The following ITGB8 variants were observed in gnomAD, a reference collection of about 807,000 sequenced individuals.
ITGB8 encodes the protein integrin beta-8.
ITGB8 carries 30 observed loss-of-function variants against 89.5 expected under a neutral mutation model. The ratio of observed to expected loss-of-function variants is 0.34; its 90% confidence interval spans 0.25 to 0.45. The LOEUF is 0.45. ITGB8 is among the 20% of genes least tolerant of loss of function. The pLI, the probability that ITGB8 is intolerant of heterozygous loss-of-function variation, is 1.00. For synonymous variants in ITGB8, 335 were observed against 320.4 expected (o/e 1.05, Z -0.49); for missense variants, 836 against 933.3 (o/e 0.90, Z 1.36).
In ITGB8 at chr7:20,414,659, G is replaced by T. The variant is rs1464432587; in HGVS notation, c.*4662G>T. On this transcript the variant is annotated 3_prime_UTR_variant, in exon 14 of 14. Coordinates refer to ENST00000222573, the MANE Select transcript of ITGB8 (RefSeq NM_002214.3). ...TTTTATTCTTCTTTATCATTTGTGG[G>T]TTTTTCCCCCTTGGCTCTGATCACT... is the stretch of plus-strand genomic sequence containing the variant. 1 of 152,382 alleles carries T rather than the reference G, an allele frequency of 6.6e-6. No individual in the cohort carries two copies. Among genetic ancestry groups the T allele is most frequent in the Admixed American group, 6.6e-5 (1 of 15,260 alleles). The allele number at this position is 152,382 out of a possible 1,614,324, so 9.4% of individuals were successfully genotyped here.
Position 20,410,675 on chromosome 7 carries a change from A to T in ITGB8, c.*678A>T, listed in dbSNP as rs1787730323. On this transcript the variant is annotated 3_prime_UTR_variant, in exon 14 of 14. Transcript: ENST00000222573. ...CTTTATGTTTTGTTTTCTTTTTTACAGGATAAGTTTATGTATGTCACAGAT... is the reference window on the plus strand; with the variant it reads ...CTTTATGTTTTGTTTTCTTTTTTACTGGATAAGTTTATGTATGTCACAGAT... The T allele has an allele frequency of 6.6e-6, 1 of 152,666 alleles. No individual in the cohort carries two copies. Among genetic ancestry groups the T allele is most frequent in the African/African-American group, 2.4e-5 (1 of 41,464 alleles). 9.5% of individuals were successfully genotyped at this position (152,666 alleles called of 1,614,324 possible). A position where few individuals can be genotyped will look rare whatever the true frequency, so the allele number is the denominator to read the frequency against.
chr7:20,405,021 C>A (rs2127985531), intron 11 of ITGB8, among the ~76,000 whole-genome samples, 168 bp downstream of exon 11: 1 of 152,144 alleles, frequency 6.6e-6, no homozygotes, highest in South Asian at 2.1e-4. Context: ...AATCTTTGAC[C>A]CCTGGATAGC....
intron 3 of ITGB8, among the ~76,000 whole-genome samples, chr7:20,368,769 G>A (rs975214886): frequency 3.3e-5 from 5 of 151,786 alleles, no homozygotes; most frequent in South Asian, 2.1e-4. Context: ...GTATTTTAAC[G>A]TTATAGTTGC....
intron 1 of ITGB8, among the ~76,000 whole-genome samples, chr7:20,350,434 C>T (rs1349695436): frequency 2.0e-5 from 3 of 152,250 alleles, no homozygotes; most frequent in Non-Finnish European, 4.4e-5. Flanking sequence ...AGGCATGAGC[C>T]ACTGTGCCCA....
At chr7:20,341,889 TAAAAA>T (rs372857680) in intron 1 of ITGB8, among the ~76,000 whole-genome samples, 1 of 140,062 alleles carries the variant, frequency 7.1e-6, no homozygotes. Context: ...ATGTTTGAGT[TAAAAA>T]AAAAAAAAAA....
At chr7:20,371,664 T>C (rs1248353700) in intron 3 of ITGB8, among the ~76,000 whole-genome samples, 1 of 152,184 alleles carries the variant, frequency 6.6e-6, no homozygotes, top group East Asian at 1.9e-4. Flanking sequence ...AAAGTCCAAG[T>C]GAATCAATAA....
intron 1 of ITGB8, among the ~76,000 whole-genome samples, chr7:20,343,978 C>T (rs1784843172): frequency 6.6e-6 from 1 of 152,138 alleles, no homozygotes; most frequent in South Asian, 2.1e-4. Context: ...ATCACATTTG[C>T]AAATTTTCAC....
In ITGB8 at chr7:20,331,290, C is replaced by A. The variant is rs1784380518; in HGVS notation, c.-517C>A. 2.8e-6 allele frequency: 1 copy of A among 355,864 alleles called. No individual in the cohort carries two copies. Among genetic ancestry groups the A allele is most frequent in the African/African-American group, 2.1e-5 (1 of 47,700 alleles). 22.0% of individuals were successfully genotyped at this position (355,864 alleles called of 1,614,324 possible). ...GGAAGCAACTGCGCTGATTGATGCGCCACAGACTTTTTTCCCCTCGACCTC... is the reference window on the plus strand; with the variant it reads ...GGAAGCAACTGCGCTGATTGATGCGACACAGACTTTTTTCCCCTCGACCTC... On this transcript the variant is annotated 5_prime_UTR_variant, in exon 1 of 14. Coordinates refer to ENST00000222573, the MANE Select transcript of ITGB8 (RefSeq NM_002214.3).
At chr7:20,394,074 C>A (rs1445786027) in intron 7 of ITGB8, among the ~76,000 whole-genome samples, 1 of 152,194 alleles carries the variant, frequency 6.6e-6, no homozygotes, top group Non-Finnish European at 1.5e-5. Flanking sequence ...TTTTTAAAAT[C>A]TATAAATGAT....
Position 20,395,082 on chromosome 7 carries a change from T to C in ITGB8, c.1146+97T>C, listed in dbSNP as rs1787015705. The stretch of plus-strand genomic sequence containing the variant: ...TGCCATGTCATCTCGAGAGGAGGAG[T>C]AGAAAGCATATTAGATTAGGAATTA... On this transcript the variant is annotated intron_variant, in intron 8 of 13. Coordinates refer to ENST00000222573, the MANE Select transcript of ITGB8 (RefSeq NM_002214.3). 2.9e-5 allele frequency: 20 copies of C among 685,758 alleles called. No homozygotes were observed. In the South Asian group the frequency reaches 3.6e-4, roughly 12 times the overall value. The allele number at this position is 685,758 out of a possible 1,614,324, so 42.5% of individuals were successfully genotyped here. A position where few individuals can be genotyped will look rare whatever the true frequency, so the allele number is the denominator to read the frequency against.
intron 3 of ITGB8, among the ~76,000 whole-genome samples, chr7:20,373,627 T>G (rs1445234353): frequency 1.8e-4 from 28 of 152,172 alleles, no homozygotes; most frequent in Admixed American, 1.8e-3. Flanking sequence ...CTCCACCCCC[T>G]GGCACACATT....
At chr7:20,346,443 G>A (rs995212273) in intron 1 of ITGB8, among the ~76,000 whole-genome samples, 2 of 152,194 alleles carry the variant, frequency 1.3e-5, no homozygotes, top group Non-Finnish European at 2.9e-5. Context: ...GAATAAGGGT[G>A]CATCTGGGAG....
chr7:20,398,126 T>C (rs1787164229), intron 8 of ITGB8, among the ~76,000 whole-genome samples: 1 of 152,180 alleles, frequency 6.6e-6, no homozygotes, highest in Admixed American at 6.5e-5. Flanking sequence ...ACAATAGGCA[T>C]TAAATAGATA....
intron 1 of ITGB8, among the ~76,000 whole-genome samples, chr7:20,332,940 T>A (rs1219511570): frequency 6.6e-6 from 1 of 151,420 alleles, no homozygotes; most frequent in Non-Finnish European, 1.5e-5. Flanking sequence ...TTTTTTTTTT[T>A]AATTTCACTT....
chr7:20,360,351 T>TTTTTTTTTTTTTTC (rs1664819594), intron 1 of ITGB8, among the ~76,000 whole-genome samples: 2 of 148,784 alleles, frequency 1.3e-5, no homozygotes, highest in African/African-American at 4.9e-5. Context: ...TCCTTTAATT[T>TTTTTTTTTTTTTTC]TTTTTTTTTT....
intron 1 of ITGB8, among the ~76,000 whole-genome samples, chr7:20,337,463 G>C (rs1356186765): frequency 2.0e-5 from 3 of 152,016 alleles, no homozygotes; most frequent in African/African-American, 7.2e-5. Flanking sequence ...CAACGATTAA[G>C]TTTTGTGTAT....
rs1450873704 is a variant in ITGB8, at chr7:20,411,726, A to C, written c.*1729A>C. ...AGGAATAATTCAAACTGAATTGTCC[A>C]TAATCAGCTTCCAGTCTTTCATGCT... On this transcript the variant is annotated 3_prime_UTR_variant, in exon 14 of 14. Coordinates refer to ENST00000222573, the MANE Select transcript of ITGB8 (RefSeq NM_002214.3). The C allele has an allele frequency of 6.6e-6, 1 of 152,586 alleles. No individual in the cohort carries two copies. Among genetic ancestry groups the C allele is most frequent in the Non-Finnish European group, 1.5e-5 (1 of 68,058 alleles). The allele number at this position is 152,586 out of a possible 1,614,324, so 9.5% of individuals were successfully genotyped here.
Position 20,411,878 on chromosome 7 carries a change from G to A in ITGB8, c.*1881G>A, listed in dbSNP as rs577265227. On this transcript the variant is annotated 3_prime_UTR_variant, in exon 14 of 14. Coordinates refer to ENST00000222573, the MANE Select transcript of ITGB8 (RefSeq NM_002214.3). ...CTTGAGACCTTGATACACGGGCCAT[G>A]AGCCCTGTCTTCCCCAATGGAAATT... is the stretch of plus-strand genomic sequence containing the variant. 13 of 152,480 alleles carry A rather than the reference G, an allele frequency of 8.5e-5. No homozygotes were observed. The highest frequency in any genetic ancestry group is 3.1e-4 in the African/African-American group (13 of 41,568). 9.4% of individuals were successfully genotyped at this position (152,480 alleles called of 1,614,324 possible). A position where few individuals can be genotyped will look rare whatever the true frequency, so the allele number is the denominator to read the frequency against.
intron 1 of ITGB8, among the ~76,000 whole-genome samples, chr7:20,335,187 G>A (rs1312606317): frequency 3.3e-5 from 5 of 152,084 alleles, no homozygotes; most frequent in African/African-American, 7.2e-5. Flanking sequence ...GGAACACACT[G>A]TAACTAATCT....
Sources: gnomAD v4.1 joint callset for allele counts (sites outside exome capture counted in the v4.1 genomes callset) on GRCh38, gnomAD v4.1.1 for gene constraint, MANE v1.5 for transcripts, NCBI Gene and HGNC (gene_info 2026-07-23, HGNC 2026-07-21) for gene names.